CHAF1B: variants seen among roughly 807,000 people sequenced by gnomAD.
The protein encoded by CHAF1B is chromatin assembly factor 1 subunit B, also known as CAF-1 subunit B.
CHAF1B carries 10 observed loss-of-function variants against 60.7 expected under a neutral mutation model. The observed-to-expected ratio is 0.16, with a 90% CI of 0.10 to 0.28. The LOEUF (loss-of-function observed/expected upper bound fraction) is 0.28, where lower values mean the gene tolerates loss of function less well. CHAF1B is among the 10% of genes least tolerant of loss of function. The pLI, the probability that CHAF1B is intolerant of heterozygous loss-of-function variation, is 1.00. For synonymous variants in CHAF1B, 261 were observed against 266.1 expected (o/e 0.98, Z 0.19); for missense variants, 558 against 708.4 (o/e 0.79, Z 2.41).
chr21:36,397,265 C>T (rs1339961028), intron 5 of CHAF1B, 150 bp from the exon 6 acceptor site: 2 of 402,210 alleles, frequency 5.0e-6, no homozygotes, highest in Non-Finnish European at 8.9e-6. Flanking sequence ...CAGAGCCTGA[C>T]ACAGGGTTTT....
At chr21:36,411,771 C>T (rs149528015) in intron 11 of CHAF1B, among the ~76,000 whole-genome samples, 167 bp downstream of exon 11, 2 of 152,190 alleles carry the variant, frequency 1.3e-5, no homozygotes, top group East Asian at 1.9e-4. Context: ...CTCTGTCACC[C>T]GGGCTGGAGT....
Position 36,399,626 on chromosome 21 carries a change from C to CT in CHAF1B, c.663+26dup, listed in dbSNP as rs755002708. ...GAGAGGTATAAAATATTTTGCCATT[C>CT]TTTTTCAGCAGCGCTTTAACTGAGA... is the stretch of plus-strand genomic sequence containing the variant. On this transcript the variant is annotated intron_variant, in intron 7 of 13. Transcript: ENST00000314103. 17 of 1,600,166 alleles carry CT rather than the reference C, an allele frequency of 1.1e-5. No individual in the cohort carries two copies. The Admixed American group carries it at 1.7e-4, about 16-fold the overall frequency.
chr21:36,389,668 A>G (rs1292820274), intron 3 of CHAF1B, among the ~76,000 whole-genome samples: 2 of 149,210 alleles, frequency 1.3e-5, no homozygotes, highest in Non-Finnish European at 3.0e-5. Context: ...ACTATTACAA[A>G]ATAAAACAGA....
intron 13 of CHAF1B, chr21:36,415,881 TA>T (rs1179919044): frequency 2.9e-6 from 1 of 340,368 alleles, no homozygotes; most frequent in East Asian, 9.2e-5. Flanking sequence ...GCCTCCCGAG[TA>T]GCCGGGACTA....
intron 7 of CHAF1B, among the ~76,000 whole-genome samples, chr21:36,400,489 A>T (rs891486505): frequency 7.2e-5 from 11 of 152,194 alleles, no homozygotes; most frequent in Admixed American, 1.3e-4. Flanking sequence ...ATAAATAAAT[A>T]AAAATAAAAT....
intron 3 of CHAF1B, among the ~76,000 whole-genome samples, chr21:36,391,078 C>G (rs1315533051): frequency 6.6e-6 from 1 of 152,120 alleles, no homozygotes; most frequent in East Asian, 1.9e-4. Context: ...TTTTGTTTTT[C>G]TATTCAGCTA....
chr21:36,403,445 ATAT>A (rs1569126292), intron 8 of CHAF1B, among the ~76,000 whole-genome samples: 5 of 126,154 alleles, frequency 4.0e-5, no homozygotes, highest in Middle Eastern at 4.0e-3. Context: ...CGACAGAGTG[ATAT>A]CTTATCTAAA....
At chr21:36,410,861 A>G (rs983389669) in intron 10 of CHAF1B, among the ~76,000 whole-genome samples, 5 of 151,720 alleles carry the variant, frequency 3.3e-5, no homozygotes, top group Non-Finnish European at 7.4e-5. Flanking sequence ...GGGTTTTGCC[A>G]TGTTGGCCAG....
chr21:36,389,612 A>T (rs533474070), intron 3 of CHAF1B, among the ~76,000 whole-genome samples: 67 of 152,082 alleles, frequency 4.4e-4, no homozygotes, highest in Middle Eastern at 3.4e-3. Context: ...CTCAAAAAAA[A>T]AAAAAAAAAG....
chr21:36,398,224 T>G (rs2086159191), intron 6 of CHAF1B: 1 of 151,978 alleles, frequency 6.6e-6, no homozygotes, highest in Non-Finnish European at 1.5e-5. Flanking sequence ...GGCTAATTTT[T>G]ATATTTTTTT....
Position 36,413,118 on chromosome 21 carries a change from G to C in CHAF1B, c.1296G>C (p.Thr432=). The change falls in exon 12 of 14, where the codon ACG becomes ACC. Residue 432 remains threonine (T), a synonymous_variant. Coordinates refer to ENST00000314103, the MANE Select transcript of CHAF1B (RefSeq NM_005441.3). ...CCCAAGACCCCAGCAGCCCCGGCACGACTCCCCCTCAGGCCAGACAGGCCC... is the reference window on the plus strand; with the variant it reads ...CCCAAGACCCCAGCAGCCCCGGCACCACTCCCCCTCAGGCCAGACAGGCCC... ...SRTQDPSSPG[T]TPPQARQAPA... The C allele has an allele frequency of 6.2e-7, 1 of 1,613,878 alleles. No individual in the cohort carries two copies. The highest frequency in any genetic ancestry group is 1.3e-5 in the African/African-American group (1 of 74,944).
intron 3 of CHAF1B, among the ~76,000 whole-genome samples, chr21:36,390,348 AAAAG>A (rs1396743472): frequency 2.0e-5 from 3 of 151,730 alleles, no homozygotes; most frequent in Admixed American, 6.6e-5. Flanking sequence ...AAAAAAAAAA[AAAAG>A]AAAGAAAAAC....
chr21:36,389,433 T>C (rs892586705), intron 3 of CHAF1B, among the ~76,000 whole-genome samples: 1 of 151,836 alleles, frequency 6.6e-6, no homozygotes. Flanking sequence ...TAGTGAGACC[T>C]CATCTCTACT....
rs189505989 is a variant in CHAF1B, at chr21:36,408,598, C to T, written c.758-163C>T. 9.2e-5 allele frequency among the ~76,000 whole-genome samples: 14 copies of T among 152,200 alleles called. No homozygotes were observed. The East Asian group carries it at 2.3e-3, about 25-fold the overall frequency. ...AGTAAGGGCTGAGAACAGACAGTGC[C>T]GGAATATATGTTTTTGTGCTCTGTC... On this transcript the variant is annotated intron_variant, in intron 8 of 13. Transcript: ENST00000314103.
chr21:36,399,924 A>G (rs1012530364), intron 7 of CHAF1B, among the ~76,000 whole-genome samples: 2 of 152,196 alleles, frequency 1.3e-5, no homozygotes, highest in Admixed American at 6.5e-5. Context: ...CATGACTGGA[A>G]TCCCAGCACT....
At chr21:36,389,800 T>TGTGTGCGCGCGCGCGCGCGC in intron 3 of CHAF1B, among the ~76,000 whole-genome samples, 100 of 124,782 alleles carry the variant, frequency 8.0e-4, no homozygotes, top group African/African-American at 3.3e-3. Flanking sequence ...TGTGTGTGTG[T>TGTGTGCGCGCGCGCGCGCGC]GCGCGCGCAC....
At chr21:36,404,911 T>C (rs1437150318) in intron 8 of CHAF1B, among the ~76,000 whole-genome samples, 1 of 149,452 alleles carries the variant, frequency 6.7e-6, no homozygotes, top group African/African-American at 2.5e-5. Flanking sequence ...AACCAGATAA[T>C]TTTTGTATTT....
At position 36,413,140 on chromosome 21, in the gene CHAF1B, G is replaced by A; in HGVS notation, c.1318G>A (p.Ala440Thr). 1 of 1,613,948 alleles carries A rather than the reference G, an allele frequency of 6.2e-7. No individual in the cohort carries two copies. Among genetic ancestry groups the A allele is most frequent in the South Asian group, 1.1e-5 (1 of 91,050 alleles). ...PGTTPPQARQ[A>T]PAPTVIRDPP... ...CACGACTCCCCCTCAGGCCAGACAGGCCCCAGCCCCAACAGTCATCAGGGA... is the reference window on the plus strand; with the variant it reads ...CACGACTCCCCCTCAGGCCAGACAGACCCCAGCCCCAACAGTCATCAGGGA... The change falls in exon 12 of 14, where the codon GCC (alanine) becomes ACC (threonine). Residue 440 changes from alanine (A) to threonine (T), a missense_variant. Physicochemically the swap from Ala to Thr is moderately conservative, Grantham distance 58. Around this residue, in one of 2 missense-constraint regions of CHAF1B, gnomAD observed 233 missense variants for 214.9 expected, o/e 1.08. Transcript: ENST00000314103.
chr21:36,390,410 C>G (rs1166742671), intron 3 of CHAF1B, among the ~76,000 whole-genome samples: 1 of 151,710 alleles, frequency 6.6e-6, no homozygotes, highest in Non-Finnish European at 1.5e-5. Flanking sequence ...ATTCACTGTC[C>G]TGCTGTGCAC....
Sources: allele counts gnomAD v4.1 joint callset (sites outside exome capture counted in the v4.1 genomes callset), GRCh38; gene constraint gnomAD v4.1.1; regional missense constraint gnomAD v4.1.1; transcripts MANE v1.5; gene names NCBI Gene and HGNC (gene_info 2026-07-23, HGNC 2026-07-21).